Variants in PTPN14 observed in about 807,000 individuals in gnomAD.
The protein encoded by PTPN14 is tyrosine-protein phosphatase non-receptor type 14.
PTPN14 carries 53 observed loss-of-function variants against 126.8 expected under a neutral mutation model. The observed-to-expected ratio is 0.42, with a 90% CI of 0.34 to 0.53. The LOEUF is 0.53. Ranked by LOEUF, PTPN14 falls within the 20% of genes least tolerant of loss-of-function variation. The pLI is 0.08. For synonymous variants in PTPN14, 630 were observed against 599.3 expected (o/e 1.05, Z -0.75); for missense variants, 1,257 against 1,552.9 (o/e 0.81, Z 3.20).
At chr1:214,544,314 C>T (rs549126378) in intron 1 of PTPN14, among the ~76,000 whole-genome samples, 1 of 152,136 alleles carries the variant, frequency 6.6e-6, no homozygotes, top group African/African-American at 2.4e-5. Flanking sequence ...ACCTGTGGTC[C>T]CAGCTACTTG....
intron 2 of PTPN14, among the ~76,000 whole-genome samples, chr1:214,456,337 C>A (rs1393015786): frequency 2.0e-5 from 3 of 152,134 alleles, no homozygotes; most frequent in Admixed American, 2.0e-4. Context: ...ACATATTATA[C>A]AAGCACGAAC....
chr1:214,394,415 T>C (rs986085637), intron 9 of PTPN14, among the ~76,000 whole-genome samples: 1 of 152,122 alleles, frequency 6.6e-6, no homozygotes, highest in Non-Finnish European at 1.5e-5. Context: ...TATTTTATTA[T>C]TTTATTTTGT....
chr1:214,397,297 C>T (rs1658903875), intron 8 of PTPN14, among the ~76,000 whole-genome samples: 1 of 152,082 alleles, frequency 6.6e-6, no homozygotes, highest in South Asian at 2.1e-4. Context: ...CCATGTTGCC[C>T]TTGTAAATGA....
chr1:214,468,565 A>AAGAAG (rs1428536237), intron 1 of PTPN14, among the ~76,000 whole-genome samples: 1 of 152,132 alleles, frequency 6.6e-6, no homozygotes, highest in Non-Finnish European at 1.5e-5. Flanking sequence ...AAACAAAAAA[A>AAGAAG]AGAAAAGAAA....
rs1384533858 is a variant in PTPN14, at chr1:214,464,810, G to A, written c.-7C>T. 1 of 1,613,078 alleles carries A rather than the reference G, an allele frequency of 6.2e-7. No individual in the cohort carries two copies. The highest frequency in any genetic ancestry group is 2.2e-5 in the East Asian group (1 of 44,836). On this transcript the variant is annotated 5_prime_UTR_variant, in exon 2 of 19. Transcript: ENST00000366956. Reference sequence around the variant, plus strand: ...GCTTCAGACCAAAAGGCATGGCTATGTGGTCCTCGGACGCCGCCCGCCTAT... The same window carrying A: ...GCTTCAGACCAAAAGGCATGGCTATATGGTCCTCGGACGCCGCCCGCCTAT...
At chr1:214,443,551 T>G (rs1275126973) in intron 3 of PTPN14, among the ~76,000 whole-genome samples, 1 of 151,934 alleles carries the variant, frequency 6.6e-6, no homozygotes, top group Non-Finnish European at 1.5e-5. Flanking sequence ...TAAGAATAAA[T>G]CGCAAGATAA....
At chr1:214,482,497 A>G (rs17790652) in intron 1 of PTPN14, among the ~76,000 whole-genome samples, 4,537 of 152,252 alleles carry the variant, frequency 0.03, 85 homozygotes, top group Middle Eastern at 0.058. Flanking sequence ...TTAAAGAAAT[A>G]TCTGAAACAC....
At chr1:214,492,608 T>C (rs1661275169) in intron 1 of PTPN14, among the ~76,000 whole-genome samples, 1 of 152,206 alleles carries the variant, frequency 6.6e-6, no homozygotes, top group Admixed American at 6.5e-5. Flanking sequence ...CATGCCTGGC[T>C]ACAAAGAATG....
rs763575221 is a variant in PTPN14, at chr1:214,386,834, C to G, written c.1066+10G>C. On this transcript the variant is annotated intron_variant, in intron 12 of 18. Transcript: ENST00000366956. ...TGTCTTAAGAAGGGAGAACGGCAAG[C>G]CAGAGTTACCTTGCGAGGTGTGCGT... 4.4e-6 allele frequency: 7 copies of G among 1,578,532 alleles called. No individual in the cohort carries two copies. Among genetic ancestry groups the G allele is most frequent in the Non-Finnish European group, 8.7e-7 (1 of 1,148,624 alleles).
chr1:214,520,065 A>AAAAAAAAATATATATATAT, intron 1 of PTPN14, among the ~76,000 whole-genome samples: 5 of 71,108 alleles, frequency 7.0e-5, no homozygotes, highest in South Asian at 6.5e-4. Context: ...AAAAAAAAAA[A>AAAAAAAAATATATATATAT]ATATATATAT....
At chr1:214,436,608 C>T (rs1659922128) in intron 3 of PTPN14, among the ~76,000 whole-genome samples, 1 of 151,770 alleles carries the variant, frequency 6.6e-6, no homozygotes. Context: ...ACCAGCTGGC[C>T]AACATGGTGA....
intron 1 of PTPN14, among the ~76,000 whole-genome samples, chr1:214,542,406 C>CG (rs902203515): frequency 5.3e-5 from 8 of 151,984 alleles, no homozygotes; most frequent in African/African-American, 7.3e-5. Context: ...CATAATGACG[C>CG]GGGGGGGCAG....
At chr1:214,514,996 T>C (rs909005311) in intron 1 of PTPN14, among the ~76,000 whole-genome samples, 1 of 152,004 alleles carries the variant, frequency 6.6e-6, no homozygotes, top group Non-Finnish European at 1.5e-5. Flanking sequence ...CATCCATCTC[T>C]CTCCATCATC....
intron 3 of PTPN14, among the ~76,000 whole-genome samples, chr1:214,445,874 C>G (rs1485892523): frequency 6.6e-6 from 1 of 152,088 alleles, no homozygotes; most frequent in Non-Finnish European, 1.5e-5. Flanking sequence ...ATGTGAAAAC[C>G]ATGTGTTTAT....
At chr1:214,431,669 A>G (rs867996256) in intron 3 of PTPN14, among the ~76,000 whole-genome samples, 1 of 152,198 alleles carries the variant, frequency 6.6e-6, no homozygotes, top group Admixed American at 6.5e-5. Flanking sequence ...CTGGAGCTAC[A>G]CTGTGTAGGC....
chr1:214,426,477 T>C (rs188539411), intron 3 of PTPN14, among the ~76,000 whole-genome samples: 242 of 152,296 alleles, frequency 1.6e-3, no homozygotes, highest in African/African-American at 5.6e-3. Flanking sequence ...CAAGACCATC[T>C]TTTATAACTC....
chr1:214,380,035 A>G (rs3013449), intron 13 of PTPN14, among the ~76,000 whole-genome samples: 144,871 of 152,338 alleles, frequency 0.95, 68,944 homozygotes, highest in East Asian at 1. Context: ...CTTACAAATG[A>G]CCCTGGTCTC....
chr1:214,351,374 C>G lies in PTPN14; in HGVS notation c.*6548G>C, dbSNP rs1267778062. 6.6e-6 allele frequency: 1 copy of G among 150,888 alleles called. No individual in the cohort carries two copies. The highest frequency in any genetic ancestry group is 2.1e-4 in the South Asian group (1 of 4,786). The allele number at this position is 150,888 out of a possible 1,614,324, so 9.3% of individuals were successfully genotyped here. Reference sequence around the variant, plus strand: ...GGTGCTCATGGAATGAAGAGGGTGACAGCACACAACAGTCCCACCCGTTCC... The same window carrying G: ...GGTGCTCATGGAATGAAGAGGGTGAGAGCACACAACAGTCCCACCCGTTCC... On this transcript the variant is annotated 3_prime_UTR_variant, in exon 19 of 19. Transcript: ENST00000366956.
At chr1:214,456,658 C>T (rs1660389916) in intron 2 of PTPN14, among the ~76,000 whole-genome samples, 1 of 152,150 alleles carries the variant, frequency 6.6e-6, no homozygotes, top group African/African-American at 2.4e-5. Context: ...AGAAAAACCA[C>T]TCTTCTGAGA....
Sources: gnomAD v4.1 joint callset for allele counts (sites outside exome capture counted in the v4.1 genomes callset) on GRCh38, gnomAD v4.1.1 for gene constraint, MANE v1.5 for transcripts, NCBI Gene and HGNC (gene_info 2026-07-23, HGNC 2026-07-21) for gene names.